The following KCNA2 variants were observed in gnomAD, a reference collection of about 807,000 sequenced individuals.
KCNA2 encodes potassium voltage-gated channel subfamily A member 2.
A neutral mutation model predicts 33.4 loss-of-function variants in KCNA2; 11 were observed. The ratio of observed to expected loss-of-function variants is 0.33; its 90% CI spans 0.21 to 0.55. KCNA2 has a LOEUF of 0.55. Among genes scored for constraint, KCNA2 ranks in the 20% least tolerant of loss-of-function variants. The pLI is 0.93. For missense variants in KCNA2, 291 were observed against 621.6 expected (o/e 0.47, Z 5.66); for synonymous variants, 222 against 231.3 (o/e 0.96, Z 0.37).
Position 110,598,969 on chromosome 1 carries a change from A to G in KCNA2, c.*4314T>C, listed in dbSNP as rs1367633073. ...CTCCAAGTTTCTTGAAAATGAATCC[A>G]CAGAGGCACTTGATGAAGCCAACAG... On this transcript the variant is annotated 3_prime_UTR_variant, in exon 3 of 3. Transcript: ENST00000316361. 2.0e-6 allele frequency: 2 copies of G among 985,414 alleles called. No homozygotes were observed. The highest frequency in any genetic ancestry group is 2.4e-6 in the Non-Finnish European group (2 of 829,940). The allele number at this position is 985,414 out of a possible 1,614,324, so 61.0% of individuals were successfully genotyped here.
At chr1:110,625,100 C>A (rs1344103082) in intron 1 of KCNA2, among the ~76,000 whole-genome samples, 1 of 152,236 alleles carries the variant, frequency 6.6e-6, no homozygotes, top group Non-Finnish European at 1.5e-5. Context: ...GGCCACACAG[C>A]CCTCACTCAG....
At position 110,594,276 on chromosome 1, in the gene KCNA2, CCTCT is replaced by C. The variant is rs67332071; in HGVS notation, c.*9003_*9006del. On this transcript the variant is annotated 3_prime_UTR_variant, in exon 3 of 3. Coordinates refer to ENST00000316361, the MANE Select transcript of KCNA2 (RefSeq NM_004974.4). ...GAGCCTAAGTGAGTGGCGGCCATTT[CCTCT>C]CTCTCTCTCTCTCTATATATATATA... The C allele has an allele frequency of 1.4e-4, 115 of 828,572 alleles. No individual in the cohort carries two copies. Among genetic ancestry groups the C allele is most frequent in the Non-Finnish European group, 1.6e-4 (111 of 692,168 alleles). The allele number at this position is 828,572 out of a possible 1,614,324, so 51.3% of individuals were successfully genotyped here.
intron 1 of KCNA2, among the ~76,000 whole-genome samples, chr1:110,614,627 T>G (rs1295547474): frequency 6.6e-6 from 1 of 152,230 alleles, no homozygotes; most frequent in East Asian, 1.9e-4. Context: ...GGGCCCCAGT[T>G]TCTTCATCTG....
chr1:110,598,720 T>C lies in KCNA2; in HGVS notation c.*4563A>G, dbSNP rs1209539935. The C allele has an allele frequency of 1.0e-6, 1 of 985,044 alleles. No individual in the cohort carries two copies. Among genetic ancestry groups the C allele is most frequent in the Non-Finnish European group, 1.2e-6 (1 of 829,904 alleles). The allele number at this position is 985,044 out of a possible 1,614,324, so 61.0% of individuals were successfully genotyped here. On this transcript the variant is annotated 3_prime_UTR_variant, in exon 3 of 3. Coordinates refer to ENST00000316361, the MANE Select transcript of KCNA2 (RefSeq NM_004974.4). Reference sequence around the variant, plus strand: ...TAACCTCATGGTGACATGCCAACACTAGCCTCAGAAACACAGGTGAGAGGG... The same window carrying C: ...TAACCTCATGGTGACATGCCAACACCAGCCTCAGAAACACAGGTGAGAGGG...
Position 110,599,603 on chromosome 1 carries a change from T to C in KCNA2, c.*3680A>G, listed in dbSNP as rs1014163315. 9 of 985,310 alleles carry C rather than the reference T, an allele frequency of 9.1e-6. No homozygotes were observed. The African/African-American group carries it at 1.2e-4, about 13-fold the overall frequency. The allele number at this position is 985,310 out of a possible 1,614,324, so 61.0% of individuals were successfully genotyped here. A position where few individuals can be genotyped will look rare whatever the true frequency, so the allele number is the denominator to read the frequency against. Reference sequence around the variant, plus strand: ...TGGCTCATTTTAAGAGACAGGTCTCTATAGGGTCTCAACTTCCTGACCGTG... The same window carrying C: ...TGGCTCATTTTAAGAGACAGGTCTCCATAGGGTCTCAACTTCCTGACCGTG... On this transcript the variant is annotated 3_prime_UTR_variant, in exon 3 of 3. Transcript: ENST00000316361.
chr1:110,615,877 G>A (rs577820097), intron 1 of KCNA2, among the ~76,000 whole-genome samples: 2 of 152,294 alleles, frequency 1.3e-5, no homozygotes, highest in Admixed American at 6.5e-5. Flanking sequence ...TCTCACACTC[G>A]CAACCAGGAG....
At chr1:110,627,546 G>C (rs548244961) in intron 1 of KCNA2, among the ~76,000 whole-genome samples, 2 of 152,234 alleles carry the variant, frequency 1.3e-5, no homozygotes, top group South Asian at 4.1e-4. Context: ...GATCATAACG[G>C]TTTCCAGGGC....
chr1:110,594,307 A>ATG lies in KCNA2; in HGVS notation c.*8975_*8976insCA. 1.1e-6 allele frequency: 1 copy of ATG among 911,634 alleles called. No homozygotes were observed. Among genetic ancestry groups the ATG allele is most frequent in the Non-Finnish European group, 1.3e-6 (1 of 769,538 alleles). The allele number at this position is 911,634 out of a possible 1,614,324, so 56.5% of individuals were successfully genotyped here. ...TCTCTCTCTCTCTATATATATATAT[A>ATG]CATATATATATATATGTGTGTGTAT... is the stretch of plus-strand genomic sequence containing the variant. On this transcript the variant is annotated 3_prime_UTR_variant, in exon 3 of 3. Coordinates refer to ENST00000316361, the MANE Select transcript of KCNA2 (RefSeq NM_004974.4).
upstream of KCNA2, chr1:110,607,788 G>A (rs1649727835): frequency 6.6e-6 from 1 of 152,386 alleles, no homozygotes; most frequent in Non-Finnish European, 1.5e-5. Flanking sequence ...CTATTATTGT[G>A]GTGCCTCCAG....
At position 110,601,944 on chromosome 1, in the gene KCNA2, C is replaced by A; in HGVS notation, c.*1339G>T. 1 of 1,496,972 alleles carries A rather than the reference C, an allele frequency of 6.7e-7. No individual in the cohort carries two copies. Among genetic ancestry groups the A allele is most frequent in the South Asian group, 1.3e-5 (1 of 76,722 alleles). 92.7% of individuals were successfully genotyped at this position (1,496,972 alleles called of 1,614,324 possible). ...CATAAGCTTGTACAATGTTCAAATG[C>A]AATTTCTTTTCTATCACTAGCTAGG... On this transcript the variant is annotated 3_prime_UTR_variant, in exon 3 of 3. Transcript: ENST00000316361.
At chr1:110,615,472 T>G (rs1246727784) in intron 1 of KCNA2, among the ~76,000 whole-genome samples, 1 of 152,206 alleles carries the variant, frequency 6.6e-6, no homozygotes, top group African/African-American at 2.4e-5. Flanking sequence ...GAACAAAACA[T>G]CCTAAGTCCC....
chr1:110,611,207 T>C (rs1013474063), upstream of KCNA2, among the ~76,000 whole-genome samples: 1 of 152,202 alleles, frequency 6.6e-6, no homozygotes, highest in Admixed American at 6.5e-5. Context: ...TTGTTGCTGA[T>C]GTTGTGTTGT....
At chr1:110,616,227 G>A (rs1242207452) in intron 1 of KCNA2, among the ~76,000 whole-genome samples, 1 of 152,200 alleles carries the variant, frequency 6.6e-6, no homozygotes, top group Non-Finnish European at 1.5e-5. Context: ...GAGAGATGGG[G>A]CATCTGTAGC....
Position 110,604,698 on chromosome 1 carries a change from G to C in KCNA2, c.85C>G (p.His29Asp). The change falls in exon 3 of 3, where the codon CAC becomes GAC. Residue 29 changes from histidine to aspartate, a missense_variant. By Grantham distance (81) the His-to-Asp change is moderately conservative. Coordinates refer to ENST00000316361, the MANE Select transcript of KCNA2 (RefSeq NM_004974.4). This position sits in a 1 kb window ranked among gnomAD's most constrained non-coding sequence, Gnocchi z 7.6. The stretch of plus-strand genomic sequence containing the variant: ...ATCACCACCCTCTCACAGCACTCGT[G>C]GTCTGCCTCTGGGTCATAGGTGTCC... Reference protein sequence around the residue: ...PQDTYDPEADHECCERVVINI... With the variant: ...PQDTYDPEADDECCERVVINI... 6.2e-7 allele frequency: 1 copy of C among 1,614,158 alleles called. No homozygotes were observed. Among genetic ancestry groups the C allele is most frequent in the Non-Finnish European group, 8.5e-7 (1 of 1,180,024 alleles).
rs1649298220 is a variant in KCNA2 at position 110,600,601 on chromosome 1, T to TG, written c.*2681dup. Reference sequence around the variant, plus strand: ...CAGTGTACCTATTTTGTGGTGAATGTGCATGACTGTATGTGAACATTTTAG... The same window carrying TG: ...CAGTGTACCTATTTTGTGGTGAATGTGGCATGACTGTATGTGAACATTTTAG... On this transcript the variant is annotated 3_prime_UTR_variant, in exon 3 of 3. Transcript: ENST00000316361. 1.0e-6 allele frequency: 1 copy of TG among 985,300 alleles called. No individual in the cohort carries two copies. 61.0% of individuals were successfully genotyped at this position (985,300 alleles called of 1,614,324 possible).
At chr1:110,622,926 A>T (rs1272831497) in intron 1 of KCNA2, among the ~76,000 whole-genome samples, 2 of 152,226 alleles carry the variant, frequency 1.3e-5, no homozygotes, top group Non-Finnish European at 2.9e-5. Flanking sequence ...CATATTCAAT[A>T]GAATCTCAAT....
At position 110,596,306 on chromosome 1, in the gene KCNA2, T is replaced by C. The variant is rs1480731695; in HGVS notation, c.*6977A>G. The C allele has an allele frequency of 1.3e-6, 1 of 782,820 alleles. No individual in the cohort carries two copies. The highest frequency in any genetic ancestry group is 1.5e-6 in the Non-Finnish European group (1 of 646,310). The allele number at this position is 782,820 out of a possible 1,614,324, so 48.5% of individuals were successfully genotyped here. On this transcript the variant is annotated 3_prime_UTR_variant, in exon 3 of 3. Transcript: ENST00000316361. ...GATTGGTCAATGTATAATTCTATAATTTAAAAATAGTATACATATATACAT... is the reference window on the plus strand; with the variant it reads ...GATTGGTCAATGTATAATTCTATAACTTAAAAATAGTATACATATATACAT...
intron 1 of KCNA2, among the ~76,000 whole-genome samples, chr1:110,629,937 G>T (rs541174954): frequency 7.1e-4 from 107 of 151,048 alleles, no homozygotes; most frequent in African/African-American, 2.6e-3. Flanking sequence ...TGGTGGGTAG[G>T]TTTGACTGGA....
intron 1 of KCNA2, among the ~76,000 whole-genome samples, chr1:110,627,047 G>T (rs1650410653): frequency 6.6e-6 from 1 of 152,160 alleles, no homozygotes; most frequent in South Asian, 2.1e-4. Context: ...CGTCAACCAC[G>T]TGAAGGAGGA....
Sources: allele counts gnomAD v4.1 joint callset (sites outside exome capture counted in the v4.1 genomes callset), GRCh38; gene constraint gnomAD v4.1.1; non-coding constraint Gnocchi (gnomAD v3.1); transcripts MANE v1.5; gene names NCBI Gene and HGNC (gene_info 2026-07-23, HGNC 2026-07-21).